STARD13: variants seen among roughly 807,000 people sequenced by gnomAD.
STARD13 encodes stAR-related lipid transfer protein 13.
STARD13 carries 62 observed loss-of-function variants against 106.4 expected under a neutral mutation model. That is an observed-to-expected ratio of 0.58 (90% CI 0.48 to 0.72). The LOEUF (loss-of-function observed/expected upper bound fraction) is 0.72. Ranked by LOEUF, STARD13 falls within the 30% of genes least tolerant of loss-of-function variation. The probability of loss-of-function intolerance (pLI) is 0.00; values close to 1 mark genes in which losing one functional copy is unlikely to be tolerated. For missense variants in STARD13, 1,387 were observed against 1,424.0 expected (o/e 0.97, Z 0.42); for synonymous variants, 565 against 553.0 (o/e 1.02, Z -0.31).
chr13:33,384,219 A>G, the STARD13 span, among the ~76,000 whole-genome samples: 1 of 152,196 alleles, frequency 6.6e-6, no homozygotes, highest in South Asian at 2.1e-4. Context: ...TCTAACAACC[A>G]ATAATAACAA....
At chr13:33,473,670 A>G in the STARD13 span, among the ~76,000 whole-genome samples, 2 of 152,182 alleles carry the variant, frequency 1.3e-5, no homozygotes, top group Non-Finnish European at 2.9e-5. Flanking sequence ...ATAGGCCAGG[A>G]GAGTCTCAGA....
the STARD13 span, among the ~76,000 whole-genome samples, chr13:33,472,293 C>A: frequency 6.6e-6 from 1 of 151,664 alleles, no homozygotes; most frequent in African/African-American, 2.4e-5. Context: ...CTTGTTTATT[C>A]TTTTAATTTT....
chr13:33,194,632 A>G (rs1368188861), intron 1 of STARD13, among the ~76,000 whole-genome samples: 2 of 152,236 alleles, frequency 1.3e-5, no homozygotes, highest in Non-Finnish European at 2.9e-5. Flanking sequence ...AAACTTTTCA[A>G]TACTATAATG....
chr13:33,435,979 A>T, the STARD13 span, among the ~76,000 whole-genome samples: 2 of 152,186 alleles, frequency 1.3e-5, no homozygotes, highest in African/African-American at 4.8e-5. Context: ...TTGATTTCCT[A>T]CATACTCTAT....
At chr13:33,131,365 A>G (rs1254030627) in intron 4 of STARD13, among the ~76,000 whole-genome samples, 1 of 152,126 alleles carries the variant, frequency 6.6e-6, no homozygotes, top group Non-Finnish European at 1.5e-5. Context: ...AAAATGTGGG[A>G]GAAACCCTGT....
intron 1 of STARD13, chr13:33,186,116 G>T (rs1005315203): frequency 4.7e-6 from 7 of 1,477,864 alleles, no homozygotes; most frequent in Non-Finnish European, 6.4e-6. Flanking sequence ...CTGCTCCCCA[G>T]TGACCTGCGA....
the STARD13 span, among the ~76,000 whole-genome samples, chr13:33,388,747 C>A: frequency 1.3e-5 from 2 of 152,126 alleles, no homozygotes; most frequent in East Asian, 3.9e-4. Context: ...GGCAGCCACA[C>A]CAACGTTACT....
the STARD13 span, among the ~76,000 whole-genome samples, chr13:33,491,493 A>C: frequency 6.6e-6 from 1 of 152,194 alleles, no homozygotes; most frequent in East Asian, 1.9e-4. Context: ...TTTAGCAAAA[A>C]TTCCTAAGAG....
chr13:33,241,685 C>T (rs560115923), intron 1 of STARD13, among the ~76,000 whole-genome samples: 2,075 of 152,142 alleles, frequency 0.014, 32 homozygotes, highest in Non-Finnish European at 0.022. Context: ...GGATTGCAGG[C>T]GCGCGCCGCC....
chr13:33,217,696 G>T (rs935232307), intron 1 of STARD13, among the ~76,000 whole-genome samples: 2 of 152,150 alleles, frequency 1.3e-5, no homozygotes, highest in East Asian at 1.9e-4. Context: ...GGAGAGTGAT[G>T]CTCCCTCTGG....
chr13:33,541,277 G>A, the STARD13 span, among the ~76,000 whole-genome samples: 1 of 152,102 alleles, frequency 6.6e-6, no homozygotes, highest in Non-Finnish European at 1.5e-5. Flanking sequence ...GGGTCTAAAA[G>A]CTATTTTGCA....
chr13:33,367,497 CA>C, the STARD13 span, among the ~76,000 whole-genome samples: 1 of 149,646 alleles, frequency 6.7e-6, no homozygotes, highest in African/African-American at 2.5e-5. Context: ...GAGTAGCTCT[CA>C]AAAAAAAAGA....
intron 1 of STARD13, among the ~76,000 whole-genome samples, chr13:33,174,116 TAA>T (rs1884272083): frequency 6.6e-6 from 1 of 152,148 alleles, no homozygotes; most frequent in Admixed American, 6.5e-5. Context: ...AGAATAAACC[TAA>T]GCAGGTTTAT....
At chr13:33,415,416 G>A in the STARD13 span, among the ~76,000 whole-genome samples, 1 of 152,152 alleles carries the variant, frequency 6.6e-6, no homozygotes, top group Non-Finnish European at 1.5e-5. Context: ...ATGGTTGCTG[G>A]GCAGTGGCAG....
intron 1 of STARD13, among the ~76,000 whole-genome samples, chr13:33,311,694 C>T (rs1282171222): frequency 2.0e-5 from 3 of 152,132 alleles, no homozygotes; most frequent in African/African-American, 4.8e-5. Flanking sequence ...TGAGTCAAAA[C>T]GGAATATTTA....
At chr13:33,287,966 A>G (rs1371565078), upstream of STARD13, among the ~76,000 whole-genome samples, 1 of 152,164 alleles carries the variant, frequency 6.6e-6, no homozygotes, top group Admixed American at 6.5e-5. Flanking sequence ...TTTGGAGAGC[A>G]CTTAAAGATA....
the STARD13 span, among the ~76,000 whole-genome samples, chr13:33,463,204 T>A: frequency 4.6e-5 from 7 of 152,288 alleles, no homozygotes; most frequent in Non-Finnish European, 1.0e-4. Context: ...CAACTTTTAT[T>A]GAAGTGCCAG....
intron 1 of STARD13, among the ~76,000 whole-genome samples, chr13:33,185,401 A>G (rs1885657571): frequency 6.6e-6 from 1 of 152,216 alleles, no homozygotes; most frequent in South Asian, 2.1e-4. Context: ...AGTGCTACCA[A>G]CATCATGCAA....
chr13:33,466,121 C>T, the STARD13 span, among the ~76,000 whole-genome samples: 1 of 152,118 alleles, frequency 6.6e-6, no homozygotes, highest in East Asian at 1.9e-4. Context: ...AAGCACTTAG[C>T]ATTGTTTAGG....
Sources: allele counts gnomAD v4.1 joint callset (sites outside exome capture counted in the v4.1 genomes callset), GRCh38; gene constraint gnomAD v4.1.1; transcripts MANE v1.5; gene names NCBI Gene and HGNC (gene_info 2026-07-23, HGNC 2026-07-21).